LATS2: variants seen among roughly 807,000 people sequenced by gnomAD.
LATS2 encodes large tumor suppressor kinase 2.
A neutral mutation model predicts 76.0 loss-of-function variants in LATS2; 24 were observed. The ratio of observed to expected loss-of-function variants is 0.32; its 90% CI spans 0.23 to 0.44. The LOEUF (loss-of-function observed/expected upper bound fraction) is 0.44, where lower values mean the gene tolerates loss of function less well. Ranked by LOEUF, LATS2 falls within the 20% of genes least tolerant of loss-of-function variation. The pLI, the probability that LATS2 is intolerant of heterozygous loss-of-function variation, is 1.00. For synonymous variants in LATS2, 692 were observed against 635.4 expected, an observed-to-expected ratio of 1.09 and a Z score of -1.34; for missense variants, 1,286 against 1,481.2, an observed-to-expected ratio of 0.87 and a Z score of 2.16.
At chr13:21,043,969 C>T (rs1231761047) in intron 2 of LATS2, among the ~76,000 whole-genome samples, 2 of 152,186 alleles carry the variant, frequency 1.3e-5, no homozygotes, top group African/African-American at 4.8e-5. Flanking sequence ...CTGCTCCTTC[C>T]CTACTTTCAA....
Position 21,045,808 on chromosome 13 carries a change from A to G in LATS2, c.219T>C (p.Tyr73=), listed in dbSNP as rs1207154385. The change falls in exon 2 of 8, where the codon TAT becomes TAC. Residue 73 remains tyrosine (Y), a synonymous_variant. Transcript: ENST00000382592. ...QMRATPKFGP[Y]QKALREIRYS... ...ATCTGATTTCCCTCAAGGCTTTCTG[A>G]TAAGGTCCGAACTTTGGGGTGGCTC... 6.2e-7 allele frequency: 1 copy of G among 1,614,198 alleles called. No individual in the cohort carries two copies. Among genetic ancestry groups the G allele is most frequent in the Non-Finnish European group, 8.5e-7 (1 of 1,180,038 alleles).
In LATS2 at chr13:20,988,169, G is replaced by T. The variant is rs748401705; in HGVS notation, c.1611C>A (p.Cys537Ter). 1 of 1,613,818 alleles carries T rather than the reference G, an allele frequency of 6.2e-7. No homozygotes were observed. The change falls in exon 4 of 8, where the codon TGC (cysteine) becomes TGA (stop). Residue 537 changes from cysteine to a stop codon, truncating the protein, a stop_gained. Transcript: ENST00000382592. LOFTEE classifies it high-confidence loss of function. ...CACGGAGGCTCTGCTCCATGCCTGCGCACAGGCTGTCCAGGTCGTACTGCT... is the reference window on the plus strand; with the variant it reads ...CACGGAGGCTCTGCTCCATGCCTGCTCACAGGCTGTCCAGGTCGTACTGCT... ...KSEQYDLDSL[C>*]AGMEQSLRAG...
Position 20,987,953 on chromosome 13 carries a change from G to A in LATS2, c.1827C>T (p.His609=). 6.2e-7 allele frequency: 1 copy of A among 1,614,212 alleles called. No homozygotes were observed. Among genetic ancestry groups the A allele is most frequent in the Non-Finnish European group, 8.5e-7 (1 of 1,180,028 alleles). ...PYAFKFFMEQ[H]VENVIKTYQQ... is the part of the protein sequence containing the mutation. Reference sequence around the variant, plus strand: ...GGTAGGTTTTGATGACATTCTCCACGTGCTGCTCCATGAAGAACTTAAAGG... The same window carrying A: ...GGTAGGTTTTGATGACATTCTCCACATGCTGCTCCATGAAGAACTTAAAGG... Residue 609 remains histidine (H), a synonymous_variant, in exon 4 of 8, where the codon CAC becomes CAT. Transcript: ENST00000382592.
At chr13:21,000,148 G>A (rs556612943) in intron 2 of LATS2, among the ~76,000 whole-genome samples, 50 of 152,290 alleles carry the variant, frequency 3.3e-4, no homozygotes, top group East Asian at 2.7e-3. Flanking sequence ...TTGGGAAGCC[G>A]AGGCGGGCAG....
rs566090871 is a variant in LATS2, at chr13:21,013,678, A to G, written c.343-22274T>C. ...ATTTGTACAGATCACTTAAAAATAA[A>G]ATAAGGGCCAGGTGCAGCGGCTCGA... is the stretch of plus-strand genomic sequence containing the variant. On this transcript the variant is annotated intron_variant, in intron 2 of 7. Coordinates refer to ENST00000382592, the MANE Select transcript of LATS2 (RefSeq NM_014572.3). 3.3e-5 allele frequency among the ~76,000 whole-genome samples: 5 copies of G among 152,026 alleles called. No homozygotes were observed. In the South Asian group the frequency reaches 1.0e-3, roughly 32 times the overall value.
intron 1 of LATS2, among the ~76,000 whole-genome samples, chr13:21,055,713 C>T (rs2138418800): frequency 6.6e-6 from 1 of 152,344 alleles, no homozygotes; most frequent in African/African-American, 2.4e-5. Flanking sequence ...ACCAATGTCT[C>T]ATGGGACCTG....
chr13:21,013,301 G>GTCCTGGCTCAGTACTTA (rs1871671476), intron 2 of LATS2, among the ~76,000 whole-genome samples: 1 of 152,210 alleles, frequency 6.6e-6, no homozygotes, highest in Non-Finnish European at 1.5e-5. Flanking sequence ...CCTGACAGCT[G>GTCCTGGCTCAGTACTTA]TCCTGGCTCA....
chr13:20,989,139 TA>T lies in LATS2; in HGVS notation c.640del (p.Tyr214ThrfsTer26). 1 of 1,610,948 alleles carries T rather than the reference TA, an allele frequency of 6.2e-7. No homozygotes were observed. The highest frequency in any genetic ancestry group is 8.5e-7 in the Non-Finnish European group (1 of 1,179,178). ...LEEMPRPYVD[Y>X]LFPGVGPHGP... ...GTGGGGGCCGACTCCGGGGAAAAGG[TA>T]GTCCACGTACGGCCGCGGCATCTCC... On this transcript the variant is annotated frameshift_variant, in exon 4 of 8. Transcript: ENST00000382592. LOFTEE classifies it high-confidence loss of function.
intron 2 of LATS2, among the ~76,000 whole-genome samples, chr13:21,030,043 G>A (rs1353367758): frequency 6.6e-6 from 1 of 151,886 alleles, no homozygotes; most frequent in African/African-American, 2.4e-5. Context: ...AGAATTGCTT[G>A]AACCTGGGAG....
At chr13:21,034,002 G>A (rs1175673620) in intron 2 of LATS2, among the ~76,000 whole-genome samples, 3 of 152,036 alleles carry the variant, frequency 2.0e-5, no homozygotes, top group South Asian at 2.1e-4. Context: ...GTAGGACAAC[G>A]ATCTTATTAT....
intron 2 of LATS2, among the ~76,000 whole-genome samples, chr13:21,006,517 A>T (rs1871273293): frequency 6.6e-6 from 1 of 152,218 alleles, no homozygotes; most frequent in South Asian, 2.1e-4. Flanking sequence ...AAGCCAGATC[A>T]TCAGAGCTGA....
chr13:21,032,884 C>A (rs1463409407), intron 2 of LATS2, among the ~76,000 whole-genome samples: 2 of 152,098 alleles, frequency 1.3e-5, no homozygotes, highest in Non-Finnish European at 2.9e-5. Flanking sequence ...CATGAGCGAA[C>A]CCAGTGTGGG....
intron 2 of LATS2, among the ~76,000 whole-genome samples, chr13:21,030,078 T>G (rs1872461525): frequency 6.6e-6 from 1 of 151,394 alleles, no homozygotes; most frequent in Non-Finnish European, 1.5e-5. Context: ...GAGCTGAGAT[T>G]GAGTCACTGC....
At chr13:21,000,575 A>G (rs1383398774) in intron 2 of LATS2, among the ~76,000 whole-genome samples, 1 of 152,166 alleles carries the variant, frequency 6.6e-6, no homozygotes, top group African/African-American at 2.4e-5. Context: ...TGATTTCCAT[A>G]ATGATGTCTG....
intron 2 of LATS2, among the ~76,000 whole-genome samples, chr13:21,044,862 T>C (rs1388502459): frequency 1.9e-5 from 1 of 51,978 alleles, no homozygotes; most frequent in East Asian, 1.1e-3. Context: ...CCCATGTAGT[T>C]GGGACTACAA....
intron 2 of LATS2, among the ~76,000 whole-genome samples, chr13:21,041,054 G>C (rs1482950176): frequency 4.0e-5 from 6 of 151,836 alleles, no homozygotes; most frequent in African/African-American, 1.5e-4. Flanking sequence ...CTCACTGCAA[G>C]CTCCGCCTCC....
rs1404922004 is a variant in LATS2, at chr13:21,007,588, GTA to G, written c.343-16186_343-16185del. Among the ~76,000 whole-genome samples the G allele has an allele frequency of 4.2e-3, 16 of 3,826 alleles. 3 individuals carry two copies. Among genetic ancestry groups the G allele is most frequent in the East Asian group, 0.017 (1 of 58 alleles). 2.5% of individuals were successfully genotyped at this position (3,826 alleles called of 152,430 possible). A position where few individuals can be genotyped will look rare whatever the true frequency, so the allele number is the denominator to read the frequency against. On this transcript the variant is annotated intron_variant, in intron 2 of 7. Coordinates refer to ENST00000382592, the MANE Select transcript of LATS2 (RefSeq NM_014572.3). The stretch of plus-strand genomic sequence containing the variant: ...ATATATATATATATATATATATATA[GTA>G]TATATATATATAGTGTGTATATATA...
rs149084733 is a variant in LATS2, at chr13:20,983,726, C to T, written c.1980G>A (p.Arg660=). The T allele has an allele frequency of 4.4e-4, 715 of 1,614,098 alleles. 6 individuals carry two copies. The highest frequency in any genetic ancestry group is 3.5e-3 in the South Asian group (316 of 91,080). The change falls in exon 5 of 8, where the codon AGG becomes AGA. Residue 660 remains arginine, a synonymous_variant. Coordinates refer to ENST00000382592, the MANE Select transcript of LATS2 (RefSeq NM_014572.3). ...QKESNYNRLK[R]AKMDKSMFVK... is the part of the protein sequence containing the mutation. ...CAAACATAGACTTGTCCATCTTGGC[C>T]CTCTTTAACCTGTTGTAATTAGACT...
chr13:20,989,753 G>A (rs1870427059), intron 3 of LATS2, among the ~76,000 whole-genome samples: 1 of 152,212 alleles, frequency 6.6e-6, no homozygotes, highest in Non-Finnish European at 1.5e-5. Context: ...GGGCAGAACT[G>A]TATCCACTGT....
Sources: allele counts gnomAD v4.1 joint callset (sites outside exome capture counted in the v4.1 genomes callset), GRCh38; gene constraint gnomAD v4.1.1; transcripts MANE v1.5; gene names NCBI Gene and HGNC (gene_info 2026-07-23, HGNC 2026-07-21).